GSG1L: variants seen among roughly 807,000 people sequenced by gnomAD.
GSG1L encodes the protein GSG1 like.
A neutral mutation model predicts 42.1 loss-of-function variants in GSG1L; 24 were observed. That is an observed-to-expected ratio of 0.57 (90% CI 0.41 to 0.80). GSG1L has a LOEUF of 0.80. Among genes scored for constraint, GSG1L ranks in the 30% least tolerant of loss-of-function variants. The pLI is 0.00. For missense variants in GSG1L, 445 were observed against 472.2 expected (o/e 0.94, Z 0.53); for synonymous variants, 215 against 203.5 (o/e 1.06, Z -0.48).
chr16:27,908,501 T>G (rs577068520), intron 2 of GSG1L, among the ~76,000 whole-genome samples: 25 of 152,350 alleles, frequency 1.6e-4, no homozygotes, highest in African/African-American at 6.0e-4. Context: ...TAGTCCAGTT[T>G]GCGCTGCTAT....
At chr16:27,972,971 C>T (rs1344432101) in intron 1 of GSG1L, among the ~76,000 whole-genome samples, 4 of 152,192 alleles carry the variant, frequency 2.6e-5, no homozygotes, top group African/African-American at 7.2e-5. Flanking sequence ...GTTCAGTGGT[C>T]AGGGGTCTGA....
chr16:27,950,915 C>T (rs545407216), intron 2 of GSG1L, among the ~76,000 whole-genome samples: 2 of 152,288 alleles, frequency 1.3e-5, no homozygotes, highest in Middle Eastern at 6.8e-3. Flanking sequence ...TCCTAGACTG[C>T]CATCACACCG....
At chr16:27,861,613 A>C (rs535745550) in intron 3 of GSG1L, among the ~76,000 whole-genome samples, 2 of 152,260 alleles carry the variant, frequency 1.3e-5, no homozygotes, top group South Asian at 4.1e-4. Context: ...CCAGTAGTGC[A>C]CTGATAGATT....
chr16:27,900,699 C>A (rs2084246370), intron 2 of GSG1L, among the ~76,000 whole-genome samples: 1 of 152,164 alleles, frequency 6.6e-6, no homozygotes, highest in African/African-American at 2.4e-5. Context: ...AGGACATGGA[C>A]CCTTTGGCAT....
chr16:27,959,676 G>A (rs2085047531), intron 2 of GSG1L, among the ~76,000 whole-genome samples: 1 of 152,018 alleles, frequency 6.6e-6, no homozygotes, highest in South Asian at 2.1e-4. Flanking sequence ...CCAGCTACTC[G>A]GAGCCTAAGG....
chr16:27,896,778 C>T (rs939775439), intron 2 of GSG1L, among the ~76,000 whole-genome samples: 1 of 152,196 alleles, frequency 6.6e-6, no homozygotes, highest in Non-Finnish European at 1.5e-5. Context: ...CAGGCGGCCT[C>T]TAGAAGACAG....
At chr16:27,963,791 C>G (rs1317980576) in intron 1 of GSG1L, among the ~76,000 whole-genome samples, 5 of 152,120 alleles carry the variant, frequency 3.3e-5, no homozygotes, top group Non-Finnish European at 1.5e-5. Context: ...CCGCCTGGAA[C>G]ATGCTCCCGC....
Position 27,791,292 on chromosome 16 carries a change from G to A in GSG1L, c.*78C>T, listed in dbSNP as rs758542851. The stretch of plus-strand genomic sequence containing the variant: ...ACGGCACACAGGCCAGGGTTCTGGG[G>A]GCACCACTCTGGTGGTCTTGCAGCA... On this transcript the variant is annotated 3_prime_UTR_variant, in exon 7 of 7. Coordinates refer to ENST00000447459, the MANE Select transcript of GSG1L (RefSeq NM_001109763.2). 37 of 962,590 alleles carry A rather than the reference G, an allele frequency of 3.8e-5. No homozygotes were observed. The highest frequency in any genetic ancestry group is 5.1e-5 in the African/African-American group (3 of 59,152). 59.6% of individuals were successfully genotyped at this position (962,590 alleles called of 1,614,324 possible). A position where few individuals can be genotyped will look rare whatever the true frequency, so the allele number is the denominator to read the frequency against.
chr16:27,877,785 G>C (rs1220588237), intron 3 of GSG1L, among the ~76,000 whole-genome samples: 1 of 152,164 alleles, frequency 6.6e-6, no homozygotes, highest in Non-Finnish European at 1.5e-5. Flanking sequence ...CATTTTGAGA[G>C]TGCTGGACCT....
intron 2 of GSG1L, among the ~76,000 whole-genome samples, chr16:27,924,458 C>G (rs1029015461): frequency 2.6e-5 from 4 of 152,160 alleles, no homozygotes; most frequent in African/African-American, 9.7e-5. Flanking sequence ...ATTTTTACAT[C>G]ATGCAGGGCC....
At chr16:27,827,334 C>G (rs1427243002) in intron 5 of GSG1L, among the ~76,000 whole-genome samples, 1 of 152,118 alleles carries the variant, frequency 6.6e-6, no homozygotes, top group Non-Finnish European at 1.5e-5. Context: ...TTGGGATAGG[C>G]CTGGGAGGCA....
At chr16:27,948,125 T>A (rs892817992) in intron 2 of GSG1L, among the ~76,000 whole-genome samples, 2 of 152,146 alleles carry the variant, frequency 1.3e-5, no homozygotes, top group Non-Finnish European at 2.9e-5. Context: ...TTTTATTAGT[T>A]CACCTGGGGA....
chr16:27,817,073 A>T (rs1385766192), intron 5 of GSG1L, among the ~76,000 whole-genome samples: 1 of 152,174 alleles, frequency 6.6e-6, no homozygotes, highest in African/African-American at 2.4e-5. Context: ...CAAGTGATGG[A>T]GCTGGGAGAC....
At chr16:28,048,159 T>G (rs1457961638) in intron 1 of GSG1L, among the ~76,000 whole-genome samples, 1 of 152,072 alleles carries the variant, frequency 6.6e-6, no homozygotes, top group African/African-American at 2.4e-5. Flanking sequence ...ACCCAGGAAG[T>G]TGAAGCTGCA....
At chr16:27,836,542 T>A (rs1434173313) in intron 4 of GSG1L, among the ~76,000 whole-genome samples, 1 of 152,178 alleles carries the variant, frequency 6.6e-6, no homozygotes, top group Non-Finnish European at 1.5e-5. Context: ...TACATTTTTT[T>A]AAGTTTATTT....
At position 27,791,116 on chromosome 16, in the gene GSG1L, T is replaced by C. The variant is rs924823013; in HGVS notation, c.*254A>G. On this transcript the variant is annotated 3_prime_UTR_variant, in exon 7 of 7. Coordinates refer to ENST00000447459, the MANE Select transcript of GSG1L (RefSeq NM_001109763.2). ...GTGCCCAGCAGGGCTCATGTGATGA[T>C]GGCAAGAGTCCGGGGCTGCTGTCCC... 2.9e-6 allele frequency: 1 copy of C among 349,672 alleles called. No homozygotes were observed. The highest frequency in any genetic ancestry group is 5.1e-6 in the Non-Finnish European group (1 of 195,054). The allele number at this position is 349,672 out of a possible 1,614,324, so 21.7% of individuals were successfully genotyped here. A position where few individuals can be genotyped will look rare whatever the true frequency, so the allele number is the denominator to read the frequency against.
intron 3 of GSG1L, among the ~76,000 whole-genome samples, chr16:27,857,596 G>A (rs145806050): frequency 6.6e-6 from 1 of 152,126 alleles, no homozygotes; most frequent in African/African-American, 2.4e-5. Context: ...CGAAAGGCAA[G>A]GGGTTCTCTG....
intron 3 of GSG1L, among the ~76,000 whole-genome samples, chr16:27,866,572 TTC>T (rs1476580813): frequency 6.6e-6 from 1 of 152,166 alleles, no homozygotes; most frequent in East Asian, 1.9e-4. Context: ...ACTTTCACTT[TTC>T]TTTTTTAATT....
intron 1 of GSG1L, among the ~76,000 whole-genome samples, chr16:28,042,009 T>C (rs1442884767): frequency 1.3e-5 from 2 of 152,154 alleles, no homozygotes; most frequent in Non-Finnish European, 2.9e-5. Context: ...ATGGAGGGAA[T>C]TGTGGTTTTA....
Sources: allele counts gnomAD v4.1 joint callset (sites outside exome capture counted in the v4.1 genomes callset), GRCh38; gene constraint gnomAD v4.1.1; transcripts MANE v1.5; gene names NCBI Gene and HGNC (gene_info 2026-07-23, HGNC 2026-07-21).